The following ST18 variants were observed in gnomAD, a reference collection of about 807,000 sequenced individuals.
The protein encoded by ST18 is ST18 C2H2C-type zinc finger transcription factor.
ST18 carries 50 observed loss-of-function variants against 110.0 expected under a neutral mutation model. The observed-to-expected ratio is 0.45, with a 90% CI of 0.36 to 0.58. ST18 has a LOEUF of 0.58. ST18 is among the 20% of genes least tolerant of loss of function. The pLI, the probability that ST18 is intolerant of heterozygous loss-of-function variation, is 0.00. For synonymous variants in ST18, 461 were observed against 452.4 expected, an observed-to-expected ratio of 1.02 and a Z score of -0.24; for missense variants, 1,306 against 1,280.1, an observed-to-expected ratio of 1.02 and a Z score of -0.31.
chr8:52,140,255 C>CG (rs1291346157), intron 17 of ST18, among the ~76,000 whole-genome samples: 1 of 152,166 alleles, frequency 6.6e-6, no homozygotes, highest in Admixed American at 6.5e-5. Context: ...TTAGACTGGG[C>CG]GTGGTGGCTC....
At chr8:52,129,806 AG>A (rs1158017348) in intron 22 of ST18, among the ~76,000 whole-genome samples, 1 of 152,088 alleles carries the variant, frequency 6.6e-6, no homozygotes, top group African/African-American at 2.4e-5. Context: ...GCACTTTGGG[AG>A]GCCAAGGTGG....
intron 8 of ST18, among the ~76,000 whole-genome samples, chr8:52,204,862 C>A (rs2079374443): frequency 6.6e-6 from 1 of 152,124 alleles, no homozygotes; most frequent in Non-Finnish European, 1.5e-5. Flanking sequence ...TATTGGTTGA[C>A]AGAGGCCACC....
At chr8:52,121,269 A>G (rs2044693795) in intron 23 of ST18, among the ~76,000 whole-genome samples, 1 of 152,198 alleles carries the variant, frequency 6.6e-6, no homozygotes, top group Admixed American at 6.5e-5. Context: ...TCATAAGATG[A>G]GATCTCAAAA....
intron 2 of ST18, among the ~76,000 whole-genome samples, chr8:52,360,980 T>C (rs1825467951): frequency 6.6e-6 from 1 of 152,214 alleles, no homozygotes; most frequent in Admixed American, 6.5e-5. Flanking sequence ...TTAAACTGCA[T>C]GAAGATTTCA....
In ST18 at chr8:52,369,011, C is replaced by T. The variant is rs186033741; in HGVS notation, c.-465+40317G>A. On this transcript the variant is annotated intron_variant, in intron 2 of 25. Coordinates refer to ENST00000689386, the MANE Select transcript of ST18 (RefSeq NM_001352837.2). ...CAGCAAAAAGGGCCAGAAAGTCAGT[C>T]CTTCGCTTGACAACCACATCCTAGC... Among the ~76,000 whole-genome samples, 25 of 152,174 alleles carry T rather than the reference C, an allele frequency of 1.6e-4. No individual in the cohort carries two copies. In the East Asian group the frequency reaches 3.9e-3, roughly 24 times the overall value.
At chr8:52,408,430 C>A (rs1235721313) in intron 2 of ST18, among the ~76,000 whole-genome samples, 3 of 152,320 alleles carry the variant, frequency 2.0e-5, no homozygotes, top group Non-Finnish European at 4.4e-5. Context: ...GTCTGCTCTC[C>A]CCCAGTTACA....
intron 2 of ST18, among the ~76,000 whole-genome samples, chr8:52,305,361 A>G (rs550708779): frequency 1.3e-5 from 2 of 152,144 alleles, no homozygotes; most frequent in Non-Finnish European, 2.9e-5. Flanking sequence ...TGTGCAGTGC[A>G]TGAGTACTAA....
At chr8:52,238,430 G>A (rs963903647) in intron 2 of ST18, among the ~76,000 whole-genome samples, 8 of 152,058 alleles carry the variant, frequency 5.3e-5, no homozygotes, top group African/African-American at 1.9e-4. Context: ...AAACAGTAAA[G>A]ACATTTCTCA....
chr8:52,395,348 C>T (rs1253216033), intron 2 of ST18, among the ~76,000 whole-genome samples: 1 of 152,172 alleles, frequency 6.6e-6, no homozygotes, highest in African/African-American at 2.4e-5. Flanking sequence ...AGCAAAGAAA[C>T]AAAACTGCAA....
chr8:52,291,963 C>T (rs1197446557), intron 2 of ST18, among the ~76,000 whole-genome samples: 2 of 152,018 alleles, frequency 1.3e-5, no homozygotes, highest in African/African-American at 4.8e-5. Context: ...TTTGTACAGA[C>T]GGGGTTTCAC....
chr8:52,116,949 T>C (rs923529533), intron 24 of ST18, among the ~76,000 whole-genome samples: 10 of 152,194 alleles, frequency 6.6e-5, no homozygotes, highest in Non-Finnish European at 1.3e-4. Context: ...AATCTCTTTT[T>C]GGCCTTTCCT....
intron 24 of ST18, 68 bp from the exon 25 acceptor site, chr8:52,116,486 A>G (rs2042592980): frequency 6.6e-7 from 1 of 1,504,616 alleles, no homozygotes; most frequent in Non-Finnish European, 9.0e-7. Context: ...TTTCTCCCTG[A>G]AGGAAAATGC....
In ST18 at chr8:52,149,781, G is replaced by A. The variant is rs759507915; in HGVS notation, c.2003C>T (p.Thr668Ile). 3.7e-6 allele frequency: 6 copies of A among 1,614,162 alleles called. No individual in the cohort carries two copies. In the South Asian group the frequency reaches 6.6e-5, roughly 18 times the overall value. Reference protein sequence around the residue: ...QALCDQEGWDTPINYSKTHGK... With the variant: ...QALCDQEGWDIPINYSKTHGK... ...GTGAGTTTTGCTATAGTTGATAGGA[G>A]TGTCCCAGCCCTCTTGGTCACAAAG... Residue 668 changes from threonine to isoleucine, a missense_variant, in exon 16 of 26, where the codon ACT becomes ATT. Thr to Ile is a moderately conservative substitution (Grantham distance 89). Coordinates refer to ENST00000689386, the MANE Select transcript of ST18 (RefSeq NM_001352837.2).
chr8:52,391,971 G>A (rs1312058590), intron 2 of ST18, among the ~76,000 whole-genome samples: 2 of 152,200 alleles, frequency 1.3e-5, no homozygotes, highest in Non-Finnish European at 2.9e-5. Context: ...GGCTGAGGCA[G>A]TATTCAAGGG....
At chr8:52,378,805 C>G (rs144662990) in intron 2 of ST18, among the ~76,000 whole-genome samples, 202 of 152,246 alleles carry the variant, frequency 1.3e-3, no homozygotes, top group Middle Eastern at 0.01. Context: ...ATTCATTTTT[C>G]AAGGAGAGAA....
chr8:52,351,168 G>A (rs929147648), intron 2 of ST18, among the ~76,000 whole-genome samples: 8 of 152,268 alleles, frequency 5.3e-5, no homozygotes, highest in East Asian at 1.9e-4. Context: ...ATTATTTGGC[G>A]TAAGGCTTAC....
chr8:52,135,343 C>CT (rs2051584259), intron 19 of ST18, among the ~76,000 whole-genome samples: 1 of 151,786 alleles, frequency 6.6e-6, no homozygotes. Context: ...GGCAGATCAC[C>CT]TGGGGTCAGG....
At chr8:52,407,746 G>C (rs750888645) in intron 2 of ST18, 5 of 152,168 alleles carry the variant, frequency 3.3e-5, no homozygotes, top group Non-Finnish European at 2.9e-5. Context: ...TTCACTTTAA[G>C]TTTCAAGACA....
chr8:52,407,549 CA>C (rs1276811617), intron 2 of ST18: 1 of 152,062 alleles, frequency 6.6e-6, no homozygotes, highest in Non-Finnish European at 1.5e-5. Flanking sequence ...TAAAATAAAT[CA>C]AAAGGATAAT....
Sources: allele counts gnomAD v4.1 joint callset (sites outside exome capture counted in the v4.1 genomes callset), GRCh38; gene constraint gnomAD v4.1.1; transcripts MANE v1.5; gene names NCBI Gene and HGNC (gene_info 2026-07-23, HGNC 2026-07-21).